ABCA6: variants seen among roughly 807,000 people sequenced by gnomAD.
The protein encoded by ABCA6 is ATP-binding cassette sub-family A member 6.
ABCA6 carries 164 observed loss-of-function variants against 191.2 expected under a neutral mutation model. The observed-to-expected ratio is 0.86, with a 90% confidence interval of 0.76 to 0.98. The LOEUF is 0.98. Ranked by LOEUF, ABCA6 falls within the 50% of genes least tolerant of loss-of-function variation. The probability of loss-of-function intolerance (pLI) is 0.00; values close to 1 mark genes in which losing one functional copy is unlikely to be tolerated. For missense variants in ABCA6, 1,958 were observed against 1,894.1 expected (o/e 1.03, Z -0.63); for synonymous variants, 636 against 647.7 (o/e 0.98, Z 0.27).
chr17:69,100,239 C>T (rs2073147204), intron 22 of ABCA6, among the ~76,000 whole-genome samples: 1 of 152,190 alleles, frequency 6.6e-6, no homozygotes, highest in Non-Finnish European at 1.5e-5. Flanking sequence ...CCACTGCTTT[C>T]TAGTGTCCAA....
intron 8 of ABCA6, among the ~76,000 whole-genome samples, chr17:69,125,328 T>C (rs927660378): frequency 6.6e-6 from 1 of 151,920 alleles, no homozygotes; most frequent in African/African-American, 2.4e-5. Context: ...ATATCTATTC[T>C]GGGCAACAAA....
chr17:69,120,317 AG>A (rs530343283), intron 10 of ABCA6, among the ~76,000 whole-genome samples: 57 of 152,204 alleles, frequency 3.7e-4, no homozygotes, highest in African/African-American at 1.2e-3. Flanking sequence ...CAGCTTTAAA[AG>A]CCTAAATTTC....
intron 7 of ABCA6, among the ~76,000 whole-genome samples, chr17:69,129,062 AG>A (rs1168745160): frequency 2.6e-5 from 4 of 152,142 alleles, no homozygotes; most frequent in African/African-American, 9.7e-5. Flanking sequence ...AGCTGAGGAT[AG>A]GGTAGAAATG....
At chr17:69,090,329 C>G (rs2072896614) in intron 26 of ABCA6, among the ~76,000 whole-genome samples, 1 of 152,214 alleles carries the variant, frequency 6.6e-6, no homozygotes, top group African/African-American at 2.4e-5. Flanking sequence ...GCCCTGGCCT[C>G]ATCGTATACT....
At chr17:69,096,375 A>T (rs114943611) in intron 24 of ABCA6, 22 bp from the exon 25 acceptor site, 4 of 1,279,602 alleles carry the variant, frequency 3.1e-6, no homozygotes, top group Admixed American at 2.7e-5. Context: ...AGAAATAATA[A>T]CATAGTCAAA....
chr17:69,082,938 C>T lies in ABCA6; in HGVS notation c.4551G>A (p.Thr1517=), dbSNP rs78383857. 5.9e-4 allele frequency: 958 copies of T among 1,614,194 alleles called. 6 individuals are homozygous for T. Among genetic ancestry groups the T allele is most frequent in the South Asian group, 3.7e-3 (338 of 91,084 alleles). ...DYILELKVKE[T]SQVTLVHTEI... ...CAGTGTGGACCAAAGTCACTTGAGA[C>T]GTTTCCTTCACTTTTAGCTCTAGAA... Residue 1517 remains threonine (T), a synonymous_variant, in exon 36 of 39, where the codon ACG becomes ACA. Coordinates refer to ENST00000284425, the MANE Select transcript of ABCA6 (RefSeq NM_080284.3).
rs1276655929 is a variant in ABCA6, at chr17:69,128,818, A to G, written c.934-14T>C. On this transcript the variant is annotated splice_polypyrimidine_tract_variant and intron_variant, in intron 7 of 38. Transcript: ENST00000284425. ...CACCAAAGCTACCTGCAAGAGAGAG[A>G]AGACATTCAGCTGTTATAAAAAATA... 1.3e-6 allele frequency: 2 copies of G among 1,566,996 alleles called. No homozygotes were observed.
intron 36 of ABCA6, 93 bp from the exon 37 acceptor site, chr17:69,081,238 T>C (rs1247180956): frequency 3.1e-6 from 2 of 652,486 alleles, no homozygotes; most frequent in African/African-American, 1.8e-5. Context: ...AATTTTCTTC[T>C]TAAAATAAAA....
At chr17:69,110,572 T>C in intron 17 of ABCA6, 1 of 429,504 alleles carries the variant, frequency 2.3e-6, no homozygotes, top group South Asian at 3.1e-5. Context: ...GAATTCAGAC[T>C]TCCCTGGCTG....
intron 21 of ABCA6, 125 bp downstream of exon 21, chr17:69,102,710 A>G: frequency 1.1e-6 from 1 of 886,956 alleles, no homozygotes; most frequent in Non-Finnish European, 1.6e-6. Flanking sequence ...ACAGTTTATT[A>G]AATAACAACC....
chr17:69,114,223 C>T (rs1015210977), intron 13 of ABCA6, among the ~76,000 whole-genome samples: 1 of 152,086 alleles, frequency 6.6e-6, no homozygotes, highest in African/African-American at 2.4e-5. Context: ...CCATGGAATA[C>T]TATGCAGCCC....
At chr17:69,121,772 C>T (rs1206725220) in intron 10 of ABCA6, among the ~76,000 whole-genome samples, 1 of 151,796 alleles carries the variant, frequency 6.6e-6, no homozygotes, top group African/African-American at 2.4e-5. Context: ...TAATATAATA[C>T]AATATTATTT....
In ABCA6 at chr17:69,079,260, G is replaced by T. The variant is rs373817866; in HGVS notation, c.4702C>A (p.His1568Asn). The T allele has an allele frequency of 6.9e-6, 11 of 1,602,764 alleles. No individual in the cohort carries two copies. In the East Asian group the frequency reaches 1.6e-4, roughly 23 times the overall value. The change falls in exon 38 of 39, where the codon CAT (histidine) becomes AAT (asparagine). Residue 1568 changes from histidine (H) to asparagine (N), a missense_variant. His to Asn is a moderately conservative substitution (Grantham distance 68, BLOSUM62 1). Coordinates refer to ENST00000284425, the MANE Select transcript of ABCA6 (RefSeq NM_080284.3). ...CTGTATTCTTCCAGGTTAAAGTTATGCTTCACTGGAGGAAAAAAAAGACTA... is the reference window on the plus strand; with the variant it reads ...CTGTATTCTTCCAGGTTAAAGTTATTCTTCACTGGAGGAAAAAAAAGACTA... Reference protein sequence around the residue: ...QTFHKLEAVKHNFNLEEYSLS... With the variant: ...QTFHKLEAVKNNFNLEEYSLS...
rs914986300 is a variant in ABCA6, at chr17:69,129,583, A to G, written c.933+27T>C. The G allele has an allele frequency of 5.2e-6, 8 of 1,551,770 alleles. No individual in the cohort carries two copies. In the African/African-American group the frequency reaches 8.3e-5, roughly 16 times the overall value. ...CATATAGCTAAGATCTAAAGCAGAG[A>G]AAGTGGTAATAAATGTATCAACTTA... On this transcript the variant is annotated intron_variant, in intron 7 of 38. Coordinates refer to ENST00000284425, the MANE Select transcript of ABCA6 (RefSeq NM_080284.3).
At chr17:69,139,583 C>A (rs910047377) in intron 2 of ABCA6, among the ~76,000 whole-genome samples, 2 of 152,080 alleles carry the variant, frequency 1.3e-5, no homozygotes, top group South Asian at 2.1e-4. Flanking sequence ...TTGACCCAGC[C>A]ATCTCATTAC....
chr17:69,134,252 C>A (rs1323113791), intron 5 of ABCA6, among the ~76,000 whole-genome samples: 4 of 151,996 alleles, frequency 2.6e-5, no homozygotes, highest in Non-Finnish European at 5.9e-5. Context: ...CAACTTAATT[C>A]CCATTGTGAT....
At chr17:69,103,104 A>G (rs1033018089) in intron 20 of ABCA6, 136 bp from the exon 21 acceptor site, 2 of 545,066 alleles carry the variant, frequency 3.7e-6, no homozygotes, top group Non-Finnish European at 6.1e-6. Context: ...GGGTATCACA[A>G]TAATAATATT....
intron 5 of ABCA6, 133 bp from the exon 6 acceptor site, chr17:69,134,000 C>T (rs1403986037): frequency 5.1e-6 from 3 of 585,472 alleles, no homozygotes; most frequent in Non-Finnish European, 8.7e-6. Flanking sequence ...GCAAGATGTT[C>T]CCAGTAAAGG....
chr17:69,123,471 G>A, intron 9 of ABCA6, 64 bp from the exon 10 acceptor site: 5 of 1,185,622 alleles, frequency 4.2e-6, no homozygotes, highest in Non-Finnish European at 5.5e-6. Context: ...AAGAAGCCTT[G>A]CTAACAACAA....
Sources: gnomAD v4.1 joint callset for allele counts (sites outside exome capture counted in the v4.1 genomes callset) on GRCh38, gnomAD v4.1.1 for gene constraint, MANE v1.5 for transcripts, NCBI Gene and HGNC (gene_info 2026-07-23, HGNC 2026-07-21) for gene names.